MYO10: variants seen among roughly 807,000 people sequenced by gnomAD.
MYO10 encodes myosin X.
A neutral mutation model predicts 257.3 loss-of-function variants in MYO10; 133 were observed. The observed-to-expected ratio is 0.52, with a 90% CI of 0.45 to 0.60. The LOEUF is 0.60. Among genes scored for constraint, MYO10 ranks in the 20% least tolerant of loss-of-function variants. The probability of loss-of-function intolerance (pLI) is 0.00; values close to 1 mark genes in which losing one functional copy is unlikely to be tolerated. For missense variants in MYO10, 2,399 were observed against 2,635.7 expected (o/e 0.91, Z 1.97); for synonymous variants, 1,104 against 1,028.6 (o/e 1.07, Z -1.40).
At chr5:16,861,154 C>T (rs1343687564) in intron 2 of MYO10, among the ~76,000 whole-genome samples, 1 of 151,884 alleles carries the variant, frequency 6.6e-6, no homozygotes, top group Non-Finnish European at 1.5e-5. Context: ...GGTTGAGAAC[C>T]ACCCTGTCAA....
chr5:16,903,387 G>A (rs1422398442), intron 1 of MYO10, among the ~76,000 whole-genome samples: 1 of 152,122 alleles, frequency 6.6e-6, no homozygotes, highest in African/African-American at 2.4e-5. Flanking sequence ...CCAGCCTGGC[G>A]ACAGAGCAAG....
chr5:16,686,487 G>A (rs1737258056), intron 28 of MYO10, among the ~76,000 whole-genome samples: 1 of 151,790 alleles, frequency 6.6e-6, no homozygotes, highest in Non-Finnish European at 1.5e-5. Flanking sequence ...TTGGGTAAGG[G>A]ATACTCAACA....
intron 3 of MYO10, among the ~76,000 whole-genome samples, chr5:16,800,971 G>T: frequency 6.6e-6 from 1 of 152,018 alleles, no homozygotes; most frequent in East Asian, 1.9e-4. Context: ...TTGTATTTCA[G>T]TATGTTTAAA....
chr5:16,787,733 A>G (rs1201299879), intron 4 of MYO10, among the ~76,000 whole-genome samples: 2 of 152,140 alleles, frequency 1.3e-5, no homozygotes, highest in Non-Finnish European at 2.9e-5. Context: ...TGTAAGCACA[A>G]TGGAAAGTCA....
At chr5:16,727,876 A>C (rs1053077711) in intron 19 of MYO10, among the ~76,000 whole-genome samples, 34 of 66,290 alleles carry the variant, frequency 5.1e-4, no homozygotes, top group Middle Eastern at 6.8e-3. Flanking sequence ...CCCCCAGCCC[A>C]AAAAAAAAAA....
chr5:16,819,353 G>A (rs985612449), intron 2 of MYO10, among the ~76,000 whole-genome samples: 3 of 152,086 alleles, frequency 2.0e-5, no homozygotes, highest in Non-Finnish European at 2.9e-5. Context: ...AGTGCTCTTC[G>A]TCCTAAGTGA....
intron 1 of MYO10, among the ~76,000 whole-genome samples, chr5:16,927,653 T>C (rs185301996): frequency 7.2e-4 from 109 of 152,282 alleles, no homozygotes; most frequent in Non-Finnish European, 1.2e-3. Flanking sequence ...AATGCTTTTA[T>C]ACGGAGGCAA....
rs1742977466 is a variant in MYO10 at position 16,825,605 on chromosome 5, TGTCCCCA to T, written c.121-7445_121-7439del. ...TCTGAGGCAGGAACCCAGCCCATCT[TGTCCCCA>T]GTGCCCAGCCCTGGCAGACTCAACA... On this transcript the variant is annotated intron_variant, in intron 2 of 40. Transcript: ENST00000513610. Among the ~76,000 whole-genome samples the T allele has an allele frequency of 3.3e-5, 5 of 152,290 alleles. No individual in the cohort carries two copies. The South Asian group carries it at 1.0e-3, about 32-fold the overall frequency.
chr5:16,766,099 G>T lies in MYO10; in HGVS notation c.1160C>A (p.Thr387Lys). The T allele has an allele frequency of 6.2e-7, 1 of 1,611,602 alleles. No individual in the cohort carries two copies. The highest frequency in any genetic ancestry group is 8.5e-7 in the Non-Finnish European group (1 of 1,177,732). The stretch of plus-strand genomic sequence containing the variant: ...GTGTACCTGTTGAACATTGAGAGGC[G>T]TGAGGATCTCTTCTCCCCTGAGGAA... Reference protein sequence around the residue: ...SMFLRGEEILTPLNVQQAVDS... With the variant: ...SMFLRGEEILKPLNVQQAVDS... Residue 387 changes from threonine to lysine, a missense_variant, in exon 11 of 41, where the codon ACG becomes AAG. Thr to Lys is a moderately conservative substitution (Grantham distance 78). Coordinates refer to ENST00000513610, the MANE Select transcript of MYO10 (RefSeq NM_012334.3).
intron 4 of MYO10, among the ~76,000 whole-genome samples, chr5:16,783,772 G>C (rs545445289): frequency 6.6e-6 from 1 of 152,256 alleles, no homozygotes; most frequent in South Asian, 2.1e-4. Context: ...TGGGAAAGAG[G>C]GATCTTCATT....
At chr5:16,679,058 C>G (rs1292451544) in intron 33 of MYO10, among the ~76,000 whole-genome samples, 3 of 152,242 alleles carry the variant, frequency 2.0e-5, no homozygotes, top group Non-Finnish European at 2.9e-5. Flanking sequence ...TACTGAGCGA[C>G]TACACGTACT....
At chr5:16,842,170 A>G (rs893784886) in intron 2 of MYO10, among the ~76,000 whole-genome samples, 1 of 152,174 alleles carries the variant, frequency 6.6e-6, no homozygotes. Context: ...CCCCAGACCT[A>G]TCGCAGTTTA....
In MYO10 at chr5:16,663,099, T is replaced by C. The variant is rs1389881745; in HGVS notation, c.*3593A>G. Reference sequence around the variant, plus strand: ...TAAGGCAATTCTATAGGTATTAATGTAGGATTAGAGCTAAAATACTATGCT... The same window carrying C: ...TAAGGCAATTCTATAGGTATTAATGCAGGATTAGAGCTAAAATACTATGCT... On this transcript the variant is annotated 3_prime_UTR_variant, in exon 41 of 41. Coordinates refer to ENST00000513610, the MANE Select transcript of MYO10 (RefSeq NM_012334.3). The C allele has an allele frequency of 3.0e-4, 45 of 152,212 alleles. No homozygotes were observed. Among genetic ancestry groups the C allele is most frequent in the Admixed American group, 2.7e-3 (42 of 15,284 alleles). The allele number at this position is 152,212 out of a possible 1,614,324, so 9.4% of individuals were successfully genotyped here.
At position 16,703,095 on chromosome 5, in the gene MYO10, A is replaced by G; in HGVS notation, c.2340T>C (p.Leu780=). The G allele has an allele frequency of 6.3e-7, 1 of 1,585,730 alleles. No individual in the cohort carries two copies. The highest frequency in any genetic ancestry group is 1.8e-5 in the Admixed American group (1 of 55,566). The change falls in exon 23 of 41, where the codon CTT becomes CTC. Residue 780 remains leucine (L), a synonymous_variant. Coordinates refer to ENST00000513610, the MANE Select transcript of MYO10 (RefSeq NM_012334.3). ...VIIQKNYRAF[L]LRRRFLHLKK... ...TCAGGTGCAAAAATCTCCTCCTCAG[A>G]AGGAATGCTCTGTAATTCTTCTGTA...
chr5:16,835,508 T>TA (rs1213292006), intron 2 of MYO10, among the ~76,000 whole-genome samples: 4 of 146,926 alleles, frequency 2.7e-5, no homozygotes, highest in African/African-American at 1.0e-4. Flanking sequence ...TTTTTTTTTT[T>TA]TTTTTTTGGT....
Position 16,670,709 on chromosome 5 carries a change from C to A in MYO10, c.5700G>T (p.Arg1900=). 1 of 1,614,032 alleles carries A rather than the reference C, an allele frequency of 6.2e-7. No individual in the cohort carries two copies. The highest frequency in any genetic ancestry group is 8.5e-7 in the Non-Finnish European group (1 of 1,179,896). The change falls in exon 39 of 41, where the codon CGG becomes CGT. Residue 1900 remains arginine (R), a synonymous_variant. Transcript: ENST00000513610. ...RRSFRTGSVV[R]QKVEEEQMLD... The stretch of plus-strand genomic sequence containing the variant: ...GCATCTGCTCCTCCTCGACCTTCTG[C>A]CGGACCACGGATCCTGTCCGGAAGC...
intron 25 of MYO10, among the ~76,000 whole-genome samples, chr5:16,700,608 TG>T (rs1738000878): frequency 6.6e-6 from 1 of 151,808 alleles, no homozygotes; most frequent in Non-Finnish European, 1.5e-5. Context: ...ACCCGAGAGG[TG>T]GGGACTGCAG....
At chr5:16,860,383 C>G (rs183054296) in intron 2 of MYO10, among the ~76,000 whole-genome samples, 1 of 152,230 alleles carries the variant, frequency 6.6e-6, no homozygotes, top group African/African-American at 2.4e-5. Context: ...GATCAAAGTA[C>G]CCACTGAGTC....
In MYO10 at chr5:16,762,099, A is replaced by T; in HGVS notation, c.1602T>A (p.Tyr534Ter). ...TGTTAACTGCAACTCTGGGCTTCAC[A>T]TAAAAGTGGTTATTCTAAAAAAAAA... is the stretch of plus-strand genomic sequence containing the variant. ...LHSQHANNHF[Y>*]VKPRVAVNNF... The change falls in exon 16 of 41, where the codon TAT (tyrosine) becomes TAA (stop). Residue 534 changes from tyrosine to a stop codon, truncating the protein, a stop_gained. Transcript: ENST00000513610. LOFTEE classifies it high-confidence loss of function. The T allele has an allele frequency of 6.7e-7, 1 of 1,499,386 alleles. No individual in the cohort carries two copies. Among genetic ancestry groups the T allele is most frequent in the Non-Finnish European group, 8.8e-7 (1 of 1,130,868 alleles). 92.9% of individuals were successfully genotyped at this position (1,499,386 alleles called of 1,614,324 possible). A position where few individuals can be genotyped will look rare whatever the true frequency, so the allele number is the denominator to read the frequency against.
Sources: allele counts gnomAD v4.1 joint callset (sites outside exome capture counted in the v4.1 genomes callset), GRCh38; gene constraint gnomAD v4.1.1; transcripts MANE v1.5; gene names NCBI Gene and HGNC (gene_info 2026-07-23, HGNC 2026-07-21).